The following ACACA variants were observed in gnomAD, a reference collection of about 807,000 sequenced individuals.
ACACA encodes acetyl-CoA carboxylase alpha.
In ACACA, 103 loss-of-function variants were observed where a neutral mutation model predicts 296.1. The ratio of observed to expected loss-of-function variants is 0.35; its 90% CI spans 0.30 to 0.41. The LOEUF (loss-of-function observed/expected upper bound fraction) is 0.41. ACACA is among the 10% of genes least tolerant of loss of function. ACACA has a pLI of 1.00. For synonymous variants in ACACA, 953 were observed against 1,038.6 expected, an observed-to-expected ratio of 0.92 and a Z score of 1.58; for missense variants, 1,554 against 2,989.7, an observed-to-expected ratio of 0.52 and a Z score of 11.20.
At chr17:37,356,659 T>C (rs909900093) in intron 1 of ACACA, among the ~76,000 whole-genome samples, 1 of 152,078 alleles carries the variant, frequency 6.6e-6, no homozygotes, top group African/African-American at 2.4e-5. Context: ...ATTACAGGAG[T>C]GAGCCACCGC....
chr17:37,158,697 T>C (rs2076349282), intron 42 of ACACA, among the ~76,000 whole-genome samples: 1 of 150,968 alleles, frequency 6.6e-6, no homozygotes, highest in Non-Finnish European at 1.5e-5. Flanking sequence ...AAAAGAGGAG[T>C]AGTCCAGGGA....
intron 33 of ACACA, among the ~76,000 whole-genome samples, chr17:37,202,233 AT>A (rs2078281664): frequency 6.6e-6 from 1 of 152,230 alleles, no homozygotes; most frequent in Non-Finnish European, 1.5e-5. Context: ...AGGGAAGAAA[AT>A]AACTTTAATA....
chr17:37,352,070 A>G (rs1329020867), intron 1 of ACACA, among the ~76,000 whole-genome samples: 4 of 151,650 alleles, frequency 2.6e-5, no homozygotes, highest in Non-Finnish European at 5.9e-5. Flanking sequence ...AGCTGGGACT[A>G]CAGGCGCCTG....
intron 2 of ACACA, among the ~76,000 whole-genome samples, chr17:37,332,576 G>A (rs1185585579): frequency 7.3e-6 from 1 of 137,048 alleles, no homozygotes; most frequent in African/African-American, 2.8e-5. Flanking sequence ...TTCAAGACTA[G>A]CATGAGCATC....
In ACACA at chr17:37,327,699, T is replaced by C. The variant is rs1045475589; in HGVS notation, c.338+2474A>G. On this transcript the variant is annotated intron_variant, in intron 3 of 55. Transcript: ENST00000616317. ...CAGCAAATGGATATTATGTTTCACATAGACTCAAACTGGACAGATTTCTCA... is the reference window on the plus strand; with the variant it reads ...CAGCAAATGGATATTATGTTTCACACAGACTCAAACTGGACAGATTTCTCA... 6.6e-5 allele frequency among the ~76,000 whole-genome samples: 10 copies of C among 152,240 alleles called. No individual in the cohort carries two copies. The East Asian group carries it at 7.7e-4, about 12-fold the overall frequency.
chr17:37,167,465 C>T (rs1478983974), intron 41 of ACACA, among the ~76,000 whole-genome samples: 7 of 150,448 alleles, frequency 4.7e-5, no homozygotes, highest in South Asian at 2.1e-4. Flanking sequence ...ATTACAGGCA[C>T]GTAACACCAC....
chr17:37,175,113 A>G (rs1280336142), intron 41 of ACACA, among the ~76,000 whole-genome samples: 1 of 152,192 alleles, frequency 6.6e-6, no homozygotes, highest in Admixed American at 6.5e-5. Flanking sequence ...TTGACTCTCT[A>G]ACATATCTTT....
intron 48 of ACACA, chr17:37,122,917 A>G: frequency 2.0e-6 from 1 of 499,500 alleles, no homozygotes; most frequent in Non-Finnish European, 3.6e-6. Flanking sequence ...TAGACTCAAC[A>G]GCCTAGCACA....
intron 2 of ACACA, among the ~76,000 whole-genome samples, chr17:37,339,107 C>A (rs1017595309): frequency 9.9e-5 from 15 of 152,124 alleles, no homozygotes; most frequent in African/African-American, 3.4e-4. Context: ...ACATTTACAG[C>A]AGTAAATAGT....
At chr17:37,119,583 C>T (rs998025067) in intron 50 of ACACA, among the ~76,000 whole-genome samples, 17 of 136,642 alleles carry the variant, frequency 1.2e-4, no homozygotes, top group African/African-American at 3.3e-4. Context: ...GTAAACTTTT[C>T]AACCAAACAC....
At chr17:37,332,213 T>A in intron 2 of ACACA, among the ~76,000 whole-genome samples, 1 of 147,832 alleles carries the variant, frequency 6.8e-6, no homozygotes, top group Non-Finnish European at 1.5e-5. Flanking sequence ...AACTTAAAAG[T>A]ATAATTTAAA....
chr17:37,317,950 C>A (rs1598474373), intron 3 of ACACA, among the ~76,000 whole-genome samples: 1 of 152,158 alleles, frequency 6.6e-6, no homozygotes, highest in East Asian at 1.9e-4. Context: ...TAATGACCTT[C>A]TCTGTCTACT....
intron 41 of ACACA, among the ~76,000 whole-genome samples, chr17:37,177,039 C>G (rs1409273177): frequency 1.3e-5 from 2 of 151,974 alleles, no homozygotes; most frequent in African/African-American, 2.4e-5. Flanking sequence ...AACTGTAGAA[C>G]AAGAAGAAAG....
chr17:37,243,267 G>A (rs1232445359), intron 22 of ACACA, 104 bp downstream of exon 22: 1 of 1,245,730 alleles, frequency 8.0e-7, no homozygotes, highest in Non-Finnish European at 1.2e-6. Context: ...AAGTATACAA[G>A]CACAACATCC....
In ACACA at chr17:37,270,223, T is replaced by C. The variant is rs551466544; in HGVS notation, c.1119+528A>G. ...GGTGGCCATGCAACACGGGCTAGGG[T>C]ATAGAGTGCTGGGACAGCAGGGTAG... On this transcript the variant is annotated intron_variant, in intron 10 of 55. Coordinates refer to ENST00000616317, the MANE Select transcript of ACACA (RefSeq NM_198834.3). Among the ~76,000 whole-genome samples the C allele has an allele frequency of 3.9e-5, 6 of 152,066 alleles. No individual in the cohort carries two copies. In the South Asian group the frequency reaches 1.2e-3, roughly 32 times the overall value.
chr17:37,404,160 A>G (rs1286228291), intron 1 of ACACA, among the ~76,000 whole-genome samples: 1 of 152,198 alleles, frequency 6.6e-6, no homozygotes, highest in African/African-American at 2.4e-5. Context: ...ACTGATATTC[A>G]TTGTTGACAA....
At chr17:37,320,019 C>T (rs1375649616) in intron 3 of ACACA, among the ~76,000 whole-genome samples, 2 of 151,638 alleles carry the variant, frequency 1.3e-5, no homozygotes, top group African/African-American at 2.4e-5. Flanking sequence ...CCCAACTACT[C>T]AGGGACTGAG....
chr17:37,169,786 T>C (rs981766976), intron 41 of ACACA, among the ~76,000 whole-genome samples: 8 of 152,156 alleles, frequency 5.3e-5, no homozygotes, highest in African/African-American at 1.7e-4. Flanking sequence ...TTTTTGGGGG[T>C]CTTCTCTTTC....
chr17:37,241,029 C>T (rs1271678691), intron 23 of ACACA, among the ~76,000 whole-genome samples: 1 of 151,874 alleles, frequency 6.6e-6, no homozygotes, highest in Non-Finnish European at 1.5e-5. Context: ...CTCTTATCTA[C>T]AAAAAATACA....
Sources: gnomAD v4.1 joint callset for allele counts (sites outside exome capture counted in the v4.1 genomes callset) on GRCh38, gnomAD v4.1.1 for gene constraint, MANE v1.5 for transcripts, NCBI Gene and HGNC (gene_info 2026-07-23, HGNC 2026-07-21) for gene names.